Variants in ZNF713 observed in about 807,000 individuals in gnomAD.
ZNF713 encodes zinc finger protein 713.
A neutral mutation model predicts 28.7 loss-of-function variants in ZNF713; 21 were observed. The observed-to-expected ratio is 0.73, with a 90% CI of 0.52 to 1.05. ZNF713 has a LOEUF of 1.05. ZNF713 is among the 50% of genes least tolerant of loss of function. The probability of loss-of-function intolerance (pLI) is 0.00; values close to 1 mark genes in which losing one functional copy is unlikely to be tolerated. For missense variants in ZNF713, 458 were observed against 532.4 expected (o/e 0.86, Z 1.37); for synonymous variants, 167 against 178.0 (o/e 0.94, Z 0.49).
At chr7:55,926,921 A>C (rs898135156) in intron 6 of ZNF713, among the ~76,000 whole-genome samples, 1 of 152,184 alleles carries the variant, frequency 6.6e-6, no homozygotes, top group African/African-American at 2.4e-5. Flanking sequence ...ATGGATCACA[A>C]GGTCAGGAGT....
intron 4 of ZNF713, among the ~76,000 whole-genome samples, chr7:55,915,118 G>A (rs796989842): frequency 7.2e-5 from 11 of 152,284 alleles, no homozygotes; most frequent in African/African-American, 2.2e-4. Flanking sequence ...GGCGTGAGCC[G>A]CCGCACCTGG....
intron 4 of ZNF713, among the ~76,000 whole-genome samples, chr7:55,920,901 G>A (rs551021777): frequency 6.6e-6 from 1 of 152,082 alleles, no homozygotes; most frequent in Non-Finnish European, 1.5e-5. Context: ...GATTACAGGC[G>A]TGAGCCACCA....
In ZNF713 at chr7:55,939,094, C is replaced by A; in HGVS notation, c.420C>A (p.Tyr140Ter). The change falls in exon 7 of 7, where the codon TAC becomes TAA. Residue 140 changes from tyrosine to a stop codon, truncating the protein, a stop_gained. Coordinates refer to ENST00000429591, the MANE Select transcript of ZNF713 (RefSeq NM_182633.3). LOFTEE classifies it high-confidence loss of function. ...MERLAGDSFW[Y>*]SILGGLWDFD... The stretch of plus-strand genomic sequence containing the variant: ...GACTCGCAGGAGACAGCTTCTGGTA[C>A]TCCATCCTAGGAGGACTCTGGGATT... 2 of 1,614,072 alleles carry A rather than the reference C, an allele frequency of 1.2e-6. No individual in the cohort carries two copies. Among genetic ancestry groups the A allele is most frequent in the Non-Finnish European group, 1.7e-6 (2 of 1,179,996 alleles).
chr7:55,925,734 G>A (rs1786084278), intron 6 of ZNF713, among the ~76,000 whole-genome samples: 1 of 152,232 alleles, frequency 6.6e-6, no homozygotes, highest in Admixed American at 6.5e-5. Flanking sequence ...CATGAATAGA[G>A]TTGGTAATTA....
chr7:55,917,565 AGTG>A (rs35120752), intron 4 of ZNF713, among the ~76,000 whole-genome samples: 7,052 of 151,904 alleles, frequency 0.046, 286 homozygotes, highest in East Asian at 0.22. Context: ...CTGGGGGACT[AGTG>A]GTGGTGTGCA....
At chr7:55,913,469 G>C (rs892174597) in intron 4 of ZNF713, among the ~76,000 whole-genome samples, 1 of 152,042 alleles carries the variant, frequency 6.6e-6, no homozygotes, top group East Asian at 1.9e-4. Context: ...CCAAAGTGCT[G>C]GGATTACAGG....
rs1785930609 is a variant in ZNF713, at chr7:55,918,629, G to A, written c.88-4533G>A. On this transcript the variant is annotated intron_variant, in intron 4 of 6. Transcript: ENST00000429591. Reference sequence around the variant, plus strand: ...TTGTCAAAACTCAAAGGATAGTAAGGAGAATGTTATTAGAAGCTGGAGGAT... The same window carrying A: ...TTGTCAAAACTCAAAGGATAGTAAGAAGAATGTTATTAGAAGCTGGAGGAT... Among the ~76,000 whole-genome samples the A allele has an allele frequency of 2.0e-5, 3 of 152,194 alleles. No homozygotes were observed. In the South Asian group the frequency reaches 6.2e-4, roughly 32 times the overall value.
chr7:55,927,671 C>T lies in ZNF713; in HGVS notation c.307+3972C>T, dbSNP rs533169733. Among the ~76,000 whole-genome samples, 7 of 150,684 alleles carry T rather than the reference C, an allele frequency of 4.6e-5. No individual in the cohort carries two copies. The South Asian group carries it at 8.4e-4, about 18-fold the overall frequency. On this transcript the variant is annotated intron_variant, in intron 6 of 6. Coordinates refer to ENST00000429591, the MANE Select transcript of ZNF713 (RefSeq NM_182633.3). ...CAGCACTTTGGGAGGCCGAGATGGA[C>T]GGATCACTTGAGGTCAGGAGTTCAG...
At chr7:55,934,540 GTC>G (rs1386744276) in intron 6 of ZNF713, among the ~76,000 whole-genome samples, 1 of 152,036 alleles carries the variant, frequency 6.6e-6, no homozygotes. Flanking sequence ...TGTGTGTTTG[GTC>G]TCCCAGGCTT....
Position 55,903,366 on chromosome 7 carries a change from TA to T in ZNF713, c.-582-2876del, listed in dbSNP as rs562648573. ...TACTAGACAAATAATTACAGTGATT[TA>T]AAAAAAAAAATGCTGCCCATGGCCG... On this transcript the variant is annotated intron_variant, in intron 1 of 6. Transcript: ENST00000429591. Among the ~76,000 whole-genome samples the T allele has an allele frequency of 3.6e-3, 530 of 146,804 alleles. 4 individuals are homozygous for T. The highest frequency in any genetic ancestry group is 0.012 in the African/African-American group (470 of 40,216).
chr7:55,931,892 C>T (rs1037589048), intron 6 of ZNF713, among the ~76,000 whole-genome samples: 8 of 152,182 alleles, frequency 5.3e-5, no homozygotes, highest in African/African-American at 1.9e-4. Context: ...GAGGACCATA[C>T]CTCCCTGTGG....
intron 1 of ZNF713, among the ~76,000 whole-genome samples, chr7:55,890,355 C>G (rs1785359311): frequency 6.7e-6 from 1 of 150,132 alleles, no homozygotes; most frequent in Non-Finnish European, 1.5e-5. Context: ...GAAGCTGAGG[C>G]AGGAGAATTG....
chr7:55,898,766 G>A (rs1307209149), intron 1 of ZNF713, among the ~76,000 whole-genome samples: 1 of 151,986 alleles, frequency 6.6e-6, no homozygotes, highest in Non-Finnish European at 1.5e-5. Flanking sequence ...GTCCTGAATA[G>A]ACATTCTCAT....
intron 6 of ZNF713, among the ~76,000 whole-genome samples, chr7:55,927,014 C>T (rs953116750): frequency 4.6e-5 from 7 of 152,096 alleles, no homozygotes; most frequent in East Asian, 1.9e-4. Context: ...TGGTTGTGGG[C>T]GCTTGTAATC....
In ZNF713 at chr7:55,912,697, G is replaced by A. The variant is rs1192467726; in HGVS notation, c.61G>A (p.Asp21Asn). 6.2e-7 allele frequency: 1 copy of A among 1,613,610 alleles called. No homozygotes were observed. The highest frequency in any genetic ancestry group is 1.3e-5 in the African/African-American group (1 of 75,054). ...GAACATGGAGGAGGAAGAAATGAATGATGGCTCACAGATGGTGAGATCTCA... is the reference window on the plus strand; with the variant it reads ...GAACATGGAGGAGGAAGAAATGAATAATGGCTCACAGATGGTGAGATCTCA... ...EGNMEEEEMNDGSQMVRSQES... is the reference protein window; with the variant it reads ...EGNMEEEEMNNGSQMVRSQES... Residue 21 changes from aspartate to asparagine, a missense_variant, in exon 4 of 7, where the codon GAT (aspartate) becomes AAT (asparagine). Transcript: ENST00000429591.
chr7:55,890,661 A>C (rs1785365197), intron 1 of ZNF713, among the ~76,000 whole-genome samples: 1 of 152,112 alleles, frequency 6.6e-6, no homozygotes, highest in Admixed American at 6.6e-5. Context: ...TGTATCCCTT[A>C]AGAGAATTCT....
chr7:55,920,409 A>G (rs1485124686), intron 4 of ZNF713, among the ~76,000 whole-genome samples: 1 of 152,234 alleles, frequency 6.6e-6, no homozygotes, highest in Non-Finnish European at 1.5e-5. Context: ...GCTGTGTTGC[A>G]GATATGGAGA....
chr7:55,924,231 C>G (rs879427619), intron 6 of ZNF713: 4 of 152,408 alleles, frequency 2.6e-5, no homozygotes, highest in Admixed American at 2.6e-4. Context: ...GTGATATGTC[C>G]CCAATTCCTA....
intron 6 of ZNF713, among the ~76,000 whole-genome samples, chr7:55,937,672 G>T (rs960884155): frequency 3.3e-5 from 5 of 152,042 alleles, no homozygotes; most frequent in Non-Finnish European, 7.4e-5. Flanking sequence ...GGAAGCCAAG[G>T]CAGGAGGATT....
Sources: gnomAD v4.1 joint callset for allele counts (sites outside exome capture counted in the v4.1 genomes callset) on GRCh38, gnomAD v4.1.1 for gene constraint, MANE v1.5 for transcripts, NCBI Gene and HGNC (gene_info 2026-07-23, HGNC 2026-07-21) for gene names.